The following LRP1B variants were observed in gnomAD, a reference collection of about 807,000 sequenced individuals.
LRP1B encodes the protein low-density lipoprotein receptor-related protein 1B.
A neutral mutation model predicts 556.6 loss-of-function variants in LRP1B; 217 were observed. The ratio of observed to expected loss-of-function variants is 0.39; its 90% confidence interval spans 0.35 to 0.44. The LOEUF (loss-of-function observed/expected upper bound fraction) is 0.44, where lower values mean the gene tolerates loss of function less well. LRP1B is among the 20% of genes least tolerant of loss of function. The pLI is 1.00. For synonymous variants in LRP1B, 2,047 were observed against 1,865.8 expected, an observed-to-expected ratio of 1.10 and a Z score of -2.50; for missense variants, 5,053 against 5,620.8, an observed-to-expected ratio of 0.90 and a Z score of 3.23.
intron 1 of LRP1B, among the ~76,000 whole-genome samples, chr2:141,992,001 C>A (rs1186979779): frequency 3.3e-5 from 5 of 152,092 alleles, no homozygotes; most frequent in Non-Finnish European, 5.9e-5. Context: ...TGTGGATGCT[C>A]AAGTCCCTCG....
chr2:141,119,557 C>T (rs2104991770), intron 7 of LRP1B, among the ~76,000 whole-genome samples: 1 of 151,922 alleles, frequency 6.6e-6, no homozygotes, highest in East Asian at 1.9e-4. Flanking sequence ...CATGCATGTA[C>T]TCTATCATGG....
At chr2:140,259,112 T>G (rs970974518) in intron 86 of LRP1B, among the ~76,000 whole-genome samples, 1 of 152,122 alleles carries the variant, frequency 6.6e-6, no homozygotes, top group African/African-American at 2.4e-5. Flanking sequence ...TGTCAAATAC[T>G]ATTTCACCAG....
At chr2:140,910,943 C>G (rs1434655092) in intron 21 of LRP1B, among the ~76,000 whole-genome samples, 2 of 151,710 alleles carry the variant, frequency 1.3e-5, no homozygotes, top group African/African-American at 4.8e-5. Flanking sequence ...TCATAAATAT[C>G]TTTGCACAAG....
chr2:141,457,017 G>C (rs745899231), intron 3 of LRP1B, among the ~76,000 whole-genome samples: 22 of 152,198 alleles, frequency 1.4e-4, no homozygotes, highest in Non-Finnish European at 2.6e-4. Context: ...ATGGATTATA[G>C]ATTGGAATGA....
chr2:141,031,984 T>C (rs914676847), intron 11 of LRP1B, among the ~76,000 whole-genome samples: 1 of 152,054 alleles, frequency 6.6e-6, no homozygotes, highest in East Asian at 1.9e-4. Context: ...ATTTTCTTTG[T>C]AATTCTTACT....
At chr2:140,317,601 C>T (rs17386323) in intron 82 of LRP1B, among the ~76,000 whole-genome samples, 3,143 of 152,114 alleles carry the variant, frequency 0.021, 42 homozygotes, top group African/African-American at 0.029. Flanking sequence ...TCAAGAAATA[C>T]GCAGAGTGGA....
At chr2:141,258,002 C>A (rs2105346547) in intron 3 of LRP1B, among the ~76,000 whole-genome samples, 1 of 152,258 alleles carries the variant, frequency 6.6e-6, no homozygotes, top group East Asian at 1.9e-4. Flanking sequence ...TTAGTCTTCA[C>A]CCAGTGACTT....
At chr2:140,689,963 T>C (rs942428330) in intron 41 of LRP1B, among the ~76,000 whole-genome samples, 3 of 152,218 alleles carry the variant, frequency 2.0e-5, no homozygotes, top group African/African-American at 7.2e-5. Context: ...TGTCTTGTTA[T>C]GGTTTTAATT....
At chr2:142,037,301 G>A (rs1703912714) in intron 1 of LRP1B, among the ~76,000 whole-genome samples, 1 of 151,586 alleles carries the variant, frequency 6.6e-6, no homozygotes, top group African/African-American at 2.4e-5. Context: ...TCTAGGGAAT[G>A]CTGAGAAATG....
chr2:141,731,528 T>A (rs536088176), intron 2 of LRP1B, among the ~76,000 whole-genome samples: 2 of 152,292 alleles, frequency 1.3e-5, no homozygotes, highest in South Asian at 4.1e-4. Flanking sequence ...TAAAGCCACA[T>A]ATTTTTTTCC....
At chr2:142,034,666 T>C (rs1703816372) in intron 1 of LRP1B, among the ~76,000 whole-genome samples, 1 of 151,814 alleles carries the variant, frequency 6.6e-6, no homozygotes, top group African/African-American at 2.4e-5. Flanking sequence ...AACTCCTGAA[T>C]AGATCCCAGA....
At chr2:140,795,512 T>C (rs1321007241) in intron 32 of LRP1B, among the ~76,000 whole-genome samples, 1 of 152,146 alleles carries the variant, frequency 6.6e-6, no homozygotes, top group Non-Finnish European at 1.5e-5. Context: ...TTGATACAGA[T>C]GTCTATTTCA....
At position 141,468,443 on chromosome 2, in the gene LRP1B, T is replaced by G. The variant is rs146289062; in HGVS notation, c.343+11953A>C. ...ATAGACACAGGCTAGGAAAATTTGA[T>G]AGAGTGCACATATATTTCTATACAC... On this transcript the variant is annotated intron_variant, in intron 3 of 90. Transcript: ENST00000389484. Among the ~76,000 whole-genome samples the G allele has an allele frequency of 1.0e-3, 154 of 152,302 alleles. 1 individual carries two copies. The highest frequency in any genetic ancestry group is 3.2e-3 in the African/African-American group (132 of 41,580).
At chr2:140,911,663 G>A (rs1468544465) in intron 21 of LRP1B, among the ~76,000 whole-genome samples, 1 of 151,732 alleles carries the variant, frequency 6.6e-6, no homozygotes, top group African/African-American at 2.4e-5. Context: ...TATCATTGTA[G>A]TCTAAAATAT....
chr2:141,663,721 A>G (rs939086034), intron 2 of LRP1B, among the ~76,000 whole-genome samples: 1 of 152,134 alleles, frequency 6.6e-6, no homozygotes, highest in Non-Finnish European at 1.5e-5. Flanking sequence ...AGAAAAGCCC[A>G]GGACTAGATA....
At chr2:141,138,015 C>A (rs938561425) in intron 7 of LRP1B, among the ~76,000 whole-genome samples, 1 of 151,782 alleles carries the variant, frequency 6.6e-6, no homozygotes, top group African/African-American at 2.4e-5. Context: ...CTACCTCCCA[C>A]AAAATTTAGA....
rs561027968 is a variant in LRP1B, at chr2:140,713,559, G to A, written c.6023+2414C>T. On this transcript the variant is annotated intron_variant, in intron 37 of 90. Coordinates refer to ENST00000389484, the MANE Select transcript of LRP1B (RefSeq NM_018557.3). ...GCTTCTGTATGTTGTTTGAGGCCAA[G>A]GGAAGGCTGAGGAGAGAGGGTCCAG... is the stretch of plus-strand genomic sequence containing the variant. Among the ~76,000 whole-genome samples, 4 of 152,088 alleles carry A rather than the reference G, an allele frequency of 2.6e-5. No homozygotes were observed. In the East Asian group the frequency reaches 7.8e-4, roughly 29 times the overall value.
rs1462102929 is a variant in LRP1B at position 141,031,602 on chromosome 2, T to C, written c.1790-11500A>G. Among the ~76,000 whole-genome samples, 4 of 151,954 alleles carry C rather than the reference T, an allele frequency of 2.6e-5. No individual in the cohort carries two copies. The East Asian group carries it at 7.7e-4, about 29-fold the overall frequency. On this transcript the variant is annotated intron_variant, in intron 11 of 90. Transcript: ENST00000389484. ...ATTACAAAAAATAGTTCTGAAGCTATTTTTTAATAGCTGGTTAAGTAATGA... is the reference window on the plus strand; with the variant it reads ...ATTACAAAAAATAGTTCTGAAGCTACTTTTTAATAGCTGGTTAAGTAATGA...
At chr2:141,565,041 A>G (rs571827299) in intron 2 of LRP1B, among the ~76,000 whole-genome samples, 1 of 152,292 alleles carries the variant, frequency 6.6e-6, no homozygotes, top group Admixed American at 6.5e-5. Context: ...TGTGCTGAGC[A>G]AAGTTGGTAA....
Sources: gnomAD v4.1 joint callset for allele counts (sites outside exome capture counted in the v4.1 genomes callset) on GRCh38, gnomAD v4.1.1 for gene constraint, MANE v1.5 for transcripts, NCBI Gene and HGNC (gene_info 2026-07-23, HGNC 2026-07-21) for gene names.